The following AP3D1 variants were observed in gnomAD, a reference collection of about 807,000 sequenced individuals.
The protein encoded by AP3D1 is adaptor related protein complex 3 subunit delta 1.
Under a neutral mutation model 147.6 loss-of-function variants are expected in AP3D1, and 51 were observed. The ratio of observed to expected loss-of-function variants is 0.35; its 90% CI spans 0.28 to 0.44. AP3D1 has a LOEUF of 0.44. Among genes scored for constraint, AP3D1 ranks in the 20% least tolerant of loss-of-function variants. AP3D1 has a pLI of 1.00. For synonymous variants in AP3D1, 760 were observed against 663.0 expected, an observed-to-expected ratio of 1.15 and a Z score of -2.25; for missense variants, 1,421 against 1,624.2, an observed-to-expected ratio of 0.87 and a Z score of 2.15.
At chr19:2,118,507 G>A in intron 15 of AP3D1, 94 bp downstream of exon 15, 9 of 1,193,384 alleles carry the variant, frequency 7.5e-6, no homozygotes, top group Non-Finnish European at 1.1e-5. Context: ...GGCTTCGGAA[G>A]AGGAAGCGAG....
rs769262667 is a variant in AP3D1 at position 2,111,829 on chromosome 19, C to G, written c.2788-1G>C. 1.9e-6 allele frequency: 3 copies of G among 1,613,636 alleles called. No individual in the cohort carries two copies. Among genetic ancestry groups the G allele is most frequent in the African/African-American group, 2.7e-5 (2 of 74,940 alleles). ...TCTTCTTCTTAGGCTTGGGAGATTTCTGGAGCAAGAGGAGGGTCGGGTTCA... is the reference window on the plus strand; with the variant it reads ...TCTTCTTCTTAGGCTTGGGAGATTTGTGGAGCAAGAGGAGGGTCGGGTTCA... On this transcript the variant is annotated splice_acceptor_variant, in intron 24 of 31. Coordinates refer to ENST00000643116, the MANE Select transcript of AP3D1 (RefSeq NM_001261826.3). LOFTEE classifies it high-confidence loss of function.
chr19:2,115,317 TCTC>T lies in AP3D1; in HGVS notation c.2248_2250del (p.Glu750del), dbSNP rs992362360. ...GAGCTGTGGCGGCGCTTGCCCTTCTTCTCCTTCTCCTTCCTCTTTTTCCTCCTC... is the reference window on the plus strand; with the variant it reads ...GAGCTGTGGCGGCGCTTGCCCTTCTTCTTCTCCTTCCTCTTTTTCCTCCTC... On this transcript the variant is annotated inframe_deletion, in exon 20 of 32. Coordinates refer to ENST00000643116, the MANE Select transcript of AP3D1 (RefSeq NM_001261826.3). 6.2e-7 allele frequency: 1 copy of T among 1,611,646 alleles called. No homozygotes were observed.
At chr19:2,162,956 G>T (rs1478441976) in intron 1 of AP3D1, among the ~76,000 whole-genome samples, 5 of 152,056 alleles carry the variant, frequency 3.3e-5, no homozygotes, top group Non-Finnish European at 7.4e-5. Context: ...CAGTTAAAGA[G>T]ATCTAACTTC....
upstream of AP3D1, among the ~76,000 whole-genome samples, chr19:2,154,081 G>A (rs2019625987): frequency 6.6e-6 from 1 of 151,764 alleles, no homozygotes; most frequent in Non-Finnish European, 1.5e-5. Context: ...CCGAGTAGCT[G>A]GGATTACAGC....
At chr19:2,149,129 C>T (rs1243216912) in intron 1 of AP3D1, among the ~76,000 whole-genome samples, 1 of 152,182 alleles carries the variant, frequency 6.6e-6, no homozygotes, top group African/African-American at 2.4e-5. Context: ...CCATAACAAT[C>T]GTCTTCCAGT....
At position 2,114,894 on chromosome 19, in the gene AP3D1, G is replaced by A. The variant is rs1408334136; in HGVS notation, c.2350-73C>T. On this transcript the variant is annotated intron_variant, in intron 20 of 31. Transcript: ENST00000643116. Reference sequence around the variant, plus strand: ...TGGTGGAACGCCATCTATCTGGGACGCAGTGGGACTGCCCATGCGGGCCAC... The same window carrying A: ...TGGTGGAACGCCATCTATCTGGGACACAGTGGGACTGCCCATGCGGGCCAC... The A allele has an allele frequency of 9.2e-6, 14 of 1,515,088 alleles. No individual in the cohort carries two copies. The East Asian group carries it at 1.8e-4, about 19-fold the overall frequency. 93.9% of individuals were successfully genotyped at this position (1,515,088 alleles called of 1,614,324 possible). A position where few individuals can be genotyped will look rare whatever the true frequency, so the allele number is the denominator to read the frequency against.
At chr19:2,127,078 G>A (rs2145094485) in intron 9 of AP3D1, 74 bp downstream of exon 9, 5 of 1,519,218 alleles carry the variant, frequency 3.3e-6, no homozygotes, top group Middle Eastern at 1.7e-4. Context: ...CAGGCCTGGC[G>A]CCCTCCTGTC....
At chr19:2,112,578 C>T (rs1010355810) in intron 24 of AP3D1, 1 of 341,356 alleles carries the variant, frequency 2.9e-6, no homozygotes, top group Non-Finnish European at 5.3e-6. Flanking sequence ...TGGAACTAGA[C>T]AGAGGTGATG....
In AP3D1 at chr19:2,129,161, G is replaced by A. The variant is rs200473046; in HGVS notation, c.735C>T (p.Phe245=). 1.5e-4 allele frequency: 235 copies of A among 1,604,452 alleles called. No individual in the cohort carries two copies. The highest frequency in any genetic ancestry group is 1.0e-3 in the African/African-American group (77 of 74,912). The change falls in exon 8 of 32, where the codon TTC becomes TTT. Residue 245 remains phenylalanine, a splice_region_variant and synonymous_variant. Transcript: ENST00000643116. ...NWVLIKIIKL[F]GALTPLEPRL... is the part of the protein sequence containing the mutation. The stretch of plus-strand genomic sequence containing the variant: ...GCGGTTCCAAAGGAGTAAGAGCACC[G>A]AACTGTGGGGACAGCAGGGCCTCGG...
intron 1 of AP3D1, among the ~76,000 whole-genome samples, chr19:2,157,936 T>C (rs2019661695): frequency 6.6e-6 from 1 of 152,204 alleles, no homozygotes. Context: ...ATGGAGGAAA[T>C]TGAGCTTGAT....
intron 5 of AP3D1, among the ~76,000 whole-genome samples, chr19:2,132,173 A>G (rs1266478295): frequency 6.6e-6 from 1 of 152,168 alleles, no homozygotes; most frequent in Admixed American, 6.5e-5. Flanking sequence ...CTGGCAGCTC[A>G]GACAGGAGCC....
rs756763892 is a variant in AP3D1 at position 2,109,043 on chromosome 19, C to T, written c.3472+43G>A. ...AATAGGAAGGGACAGCTGCCGCGTG[C>T]GTGAAAGCCCCGTGCAATCCATCAG... On this transcript the variant is annotated intron_variant, in intron 30 of 31. Coordinates refer to ENST00000643116, the MANE Select transcript of AP3D1 (RefSeq NM_001261826.3). The T allele has an allele frequency of 3.1e-6, 5 of 1,600,820 alleles. No homozygotes were observed. In the South Asian group the frequency reaches 4.5e-5, roughly 14 times the overall value.
intron 4 of AP3D1, among the ~76,000 whole-genome samples, chr19:2,134,279 G>A (rs1465350116): frequency 5.3e-5 from 8 of 151,930 alleles, no homozygotes; most frequent in Non-Finnish European, 1.5e-5. Context: ...AAATCAGCCA[G>A]GTGTGGTGGT....
At chr19:2,127,056 G>T in intron 9 of AP3D1, 96 bp downstream of exon 9, 2 of 1,349,732 alleles carry the variant, frequency 1.5e-6, no homozygotes, top group Non-Finnish European at 1.1e-6. Context: ...CAGGGGTGGC[G>T]CTCGGAGACA....
intron 2 of AP3D1, 143 bp from the exon 3 acceptor site, chr19:2,137,950 TG>T: frequency 2.2e-6 from 1 of 454,140 alleles, no homozygotes; most frequent in Non-Finnish European, 4.1e-6. Context: ...TACGTACCCC[TG>T]GGGCCTTTAA....
chr19:2,112,153 G>A (rs890658396), intron 24 of AP3D1: 2 of 403,492 alleles, frequency 5.0e-6, no homozygotes, highest in Non-Finnish European at 9.2e-6. Context: ...CATCCGAGAG[G>A]GAACACACAC....
Position 2,118,959 on chromosome 19 carries a change from C to T in AP3D1, c.1482-127G>A, listed in dbSNP as rs192949404. The T allele has an allele frequency of 1.6e-5, 14 of 851,982 alleles. No homozygotes were observed. In the East Asian group the frequency reaches 2.1e-4, roughly 13 times the overall value. The allele number at this position is 851,982 out of a possible 1,614,324, so 52.8% of individuals were successfully genotyped here. ...CTCTGGGCCCTTCCCATTCCCTGAG[C>T]GGTCTCCAGGGGCTGAGACACGAAG... is the stretch of plus-strand genomic sequence containing the variant. On this transcript the variant is annotated intron_variant, in intron 14 of 31. Coordinates refer to ENST00000643116, the MANE Select transcript of AP3D1 (RefSeq NM_001261826.3).
At chr19:2,115,508 A>G in intron 19 of AP3D1, 30 bp downstream of exon 19, 1 of 1,611,528 alleles carries the variant, frequency 6.2e-7, no homozygotes, top group African/African-American at 1.3e-5. Flanking sequence ...CATGTGACAA[A>G]TGCGGCGCCG....
intron 1 of AP3D1, among the ~76,000 whole-genome samples, chr19:2,161,854 C>T (rs924153121): frequency 6.6e-5 from 10 of 151,518 alleles, no homozygotes; most frequent in African/African-American, 2.4e-4. Flanking sequence ...GAGGCTGAGG[C>T]GGGAGAATCG....
Sources: gnomAD v4.1 joint callset for allele counts (sites outside exome capture counted in the v4.1 genomes callset) on GRCh38, gnomAD v4.1.1 for gene constraint, MANE v1.5 for transcripts, NCBI Gene and HGNC (gene_info 2026-07-23, HGNC 2026-07-21) for gene names.